Variants in CSMD1 observed in about 807,000 individuals in gnomAD.
The protein encoded by CSMD1 is CUB and sushi domain-containing protein 1.
Under a neutral mutation model 417.5 loss-of-function variants are expected in CSMD1, and 213 were observed. That is an observed-to-expected ratio of 0.51 (90% CI 0.46 to 0.57). The LOEUF (loss-of-function observed/expected upper bound fraction) is 0.57, where lower values mean the gene tolerates loss of function less well. Among genes scored for constraint, CSMD1 ranks in the 20% least tolerant of loss-of-function variants. CSMD1 has a pLI of 0.00. For missense variants in CSMD1, 6,923 were observed against 4,529.7 expected (o/e 1.53, Z -15.17); for synonymous variants, 2,862 against 1,736.8 (o/e 1.65, Z -16.11).
intron 3 of CSMD1, among the ~76,000 whole-genome samples, chr8:4,074,865 G>C (rs1157622224): frequency 6.6e-6 from 1 of 151,876 alleles, no homozygotes. Flanking sequence ...CTCTCCTCCA[G>C]AATGCACACT....
intron 3 of CSMD1, among the ~76,000 whole-genome samples, chr8:4,365,016 A>G (rs1052990900): frequency 6.6e-6 from 1 of 152,174 alleles, no homozygotes; most frequent in African/African-American, 2.4e-5. Flanking sequence ...AACTCAGATG[A>G]TATTTTATGA....
At chr8:3,136,200 C>G (rs550313820) in intron 41 of CSMD1, among the ~76,000 whole-genome samples, 2 of 151,790 alleles carry the variant, frequency 1.3e-5, no homozygotes, top group South Asian at 2.1e-4. Flanking sequence ...TTATATGTAA[C>G]AGTGATACAC....
chr8:4,351,723 A>G (rs1342230432), intron 3 of CSMD1, among the ~76,000 whole-genome samples: 1 of 152,192 alleles, frequency 6.6e-6, no homozygotes, highest in Non-Finnish European at 1.5e-5. Context: ...CATGGAAAAG[A>G]AAAAGGCCTT....
chr8:3,406,022 T>C lies in CSMD1; in HGVS notation c.2266+5A>G. On this transcript the variant is annotated splice_donor_5th_base_variant and intron_variant, in intron 15 of 69. Coordinates refer to ENST00000635120, the MANE Select transcript of CSMD1 (RefSeq NM_033225.6). ...GAGAAGAGCGGGGGGTGGCAGGGAC[T>C]GCACCTTCACAGCGGGGCACGGTGG... 1 of 1,613,102 alleles carries C rather than the reference T, an allele frequency of 6.2e-7. No homozygotes were observed. The highest frequency in any genetic ancestry group is 8.5e-7 in the Non-Finnish European group (1 of 1,179,462).
At chr8:4,767,349 G>T (rs1585066901) in intron 1 of CSMD1, among the ~76,000 whole-genome samples, 1 of 152,176 alleles carries the variant, frequency 6.6e-6, no homozygotes, top group South Asian at 2.1e-4. Context: ...GACTTGTGAA[G>T]AAAATCACAT....
chr8:3,568,686 T>C (rs1203847159), intron 10 of CSMD1, among the ~76,000 whole-genome samples: 1 of 152,070 alleles, frequency 6.6e-6, no homozygotes, highest in African/African-American at 2.4e-5. Flanking sequence ...TGATATACTG[T>C]ATATGTGTAT....
Position 4,824,922 on chromosome 8 carries a change from C to T in CSMD1, c.85+169410G>A, listed in dbSNP as rs577161826. ...GCTGTTACTGCTACACAAATGCTAACGTAAAGCCAAGACATTTCTCGGGAA... is the reference window on the plus strand; with the variant it reads ...GCTGTTACTGCTACACAAATGCTAATGTAAAGCCAAGACATTTCTCGGGAA... On this transcript the variant is annotated intron_variant, in intron 1 of 69. Transcript: ENST00000635120. 2.0e-4 allele frequency among the ~76,000 whole-genome samples: 30 copies of T among 152,144 alleles called. No homozygotes were observed. In the South Asian group the frequency reaches 2.9e-3, roughly 15 times the overall value.
intron 5 of CSMD1, among the ~76,000 whole-genome samples, chr8:3,759,613 G>A (rs558287472): frequency 6.6e-6 from 1 of 152,124 alleles, no homozygotes; most frequent in Admixed American, 6.5e-5. Context: ...AGAATAGGGT[G>A]CCAGGCACAG....
chr8:4,570,073 G>A (rs1345604174), intron 2 of CSMD1, among the ~76,000 whole-genome samples: 1 of 152,156 alleles, frequency 6.6e-6, no homozygotes, highest in Non-Finnish European at 1.5e-5. Flanking sequence ...ATACAATCAC[G>A]TCGTCTGCAA....
intron 52 of CSMD1, among the ~76,000 whole-genome samples, chr8:3,009,342 C>G (rs903090888): frequency 6.6e-6 from 1 of 152,188 alleles, no homozygotes; most frequent in Non-Finnish European, 1.5e-5. Flanking sequence ...ATTACTGGTA[C>G]TTATTGCTGA....
chr8:4,370,245 T>C (rs1584969868), intron 3 of CSMD1, among the ~76,000 whole-genome samples: 1 of 152,214 alleles, frequency 6.6e-6, no homozygotes, highest in East Asian at 1.9e-4. Context: ...GGAATTACTT[T>C]TTAAGGATAT....
chr8:3,651,240 T>C (rs535220521), intron 7 of CSMD1, among the ~76,000 whole-genome samples: 1 of 152,294 alleles, frequency 6.6e-6, no homozygotes, highest in East Asian at 1.9e-4. Context: ...ACAGATCGTA[T>C]CACCCCTTTG....
chr8:3,985,409 G>A (rs1016140754), intron 5 of CSMD1, among the ~76,000 whole-genome samples: 9 of 152,004 alleles, frequency 5.9e-5, no homozygotes, highest in African/African-American at 9.7e-5. Context: ...CTACCCTCTT[G>A]TCTAGTCTTA....
At chr8:4,922,919 T>G (rs927566540) in intron 1 of CSMD1, among the ~76,000 whole-genome samples, 10 of 152,196 alleles carry the variant, frequency 6.6e-5, no homozygotes, top group African/African-American at 2.2e-4. Context: ...TTAAATCTTC[T>G]TATTCCTAGT....
At chr8:3,274,572 T>A (rs1292279427) in intron 26 of CSMD1, among the ~76,000 whole-genome samples, 1 of 152,150 alleles carries the variant, frequency 6.6e-6, no homozygotes, top group Non-Finnish European at 1.5e-5. Context: ...TAAGTCTCTT[T>A]GTAGGTCACT....
At chr8:3,501,639 T>C (rs995423003) in intron 10 of CSMD1, among the ~76,000 whole-genome samples, 1 of 152,166 alleles carries the variant, frequency 6.6e-6, no homozygotes, top group Non-Finnish European at 1.5e-5. Flanking sequence ...ATCTGATTCA[T>C]TCCACTTCAA....
chr8:3,766,305 G>A (rs565810720), intron 5 of CSMD1, among the ~76,000 whole-genome samples: 17 of 152,288 alleles, frequency 1.1e-4, no homozygotes, highest in African/African-American at 3.8e-4. Context: ...CACGGGTGAC[G>A]CAGATCACAC....
chr8:3,756,569 C>T (rs994920918), intron 5 of CSMD1, among the ~76,000 whole-genome samples: 7 of 152,074 alleles, frequency 4.6e-5, no homozygotes, highest in Admixed American at 1.3e-4. Context: ...CTAATAGTAT[C>T]CAAAGCCCTC....
intron 37 of CSMD1, among the ~76,000 whole-genome samples, chr8:3,176,002 A>T (rs1398210768): frequency 6.6e-6 from 1 of 152,124 alleles, no homozygotes; most frequent in Non-Finnish European, 1.5e-5. Context: ...AAACATACCA[A>T]TTAGGTTTAG....
Sources: gnomAD v4.1 joint callset for allele counts (sites outside exome capture counted in the v4.1 genomes callset) on GRCh38, gnomAD v4.1.1 for gene constraint, MANE v1.5 for transcripts, NCBI Gene and HGNC (gene_info 2026-07-23, HGNC 2026-07-21) for gene names.